Variants in LRRIQ1 observed in about 807,000 individuals in gnomAD.
The protein encoded by LRRIQ1 is leucine-rich repeat- and IQ domain-containing protein 1.
In LRRIQ1, 210 loss-of-function variants were observed where a neutral mutation model predicts 211.9. The observed-to-expected ratio is 0.99, with a 90% CI of 0.89 to 1.11. The LOEUF (loss-of-function observed/expected upper bound fraction) is 1.11, where lower values mean the gene tolerates loss of function less well. LRRIQ1 is among the 50% of genes most tolerant of loss of function. The pLI, the probability that LRRIQ1 is intolerant of heterozygous loss-of-function variation, is 0.00. For missense variants in LRRIQ1, 2,136 were observed against 1,939.5 expected (o/e 1.10, Z -1.90); for synonymous variants, 699 against 650.1 (o/e 1.08, Z -1.14).
At chr12:85,244,612 A>G (rs2137275075) in intron 26 of LRRIQ1, among the ~76,000 whole-genome samples, 177 bp from the exon 27 acceptor site, 1 of 151,892 alleles carries the variant, frequency 6.6e-6, no homozygotes, top group South Asian at 2.1e-4. Flanking sequence ...CTTATTTGCA[A>G]AAAATGCTTT....
At chr12:85,182,884 G>A (rs1224849528) in intron 24 of LRRIQ1, among the ~76,000 whole-genome samples, 2 of 152,134 alleles carry the variant, frequency 1.3e-5, no homozygotes, top group African/African-American at 2.4e-5. Flanking sequence ...AAAGGCCCGA[G>A]GCAGTGTTGA....
intron 8 of LRRIQ1, among the ~76,000 whole-genome samples, chr12:85,064,168 T>C (rs1204364314): frequency 6.6e-6 from 1 of 151,876 alleles, no homozygotes; most frequent in Non-Finnish European, 1.5e-5. Context: ...GGTTCCCTTT[T>C]CTCCACATCC....
At chr12:85,086,846 G>A (rs1302952796) in intron 11 of LRRIQ1, among the ~76,000 whole-genome samples, 1 of 151,730 alleles carries the variant, frequency 6.6e-6, no homozygotes. Flanking sequence ...TCCTCCTCCT[G>A]GCTTACAGGG....
At chr12:85,231,308 T>C (rs1217722554) in intron 25 of LRRIQ1, among the ~76,000 whole-genome samples, 1 of 152,146 alleles carries the variant, frequency 6.6e-6, no homozygotes, top group Non-Finnish European at 1.5e-5. Flanking sequence ...CATATGGAAA[T>C]GAAAATAAAA....
intron 16 of LRRIQ1, among the ~76,000 whole-genome samples, chr12:85,123,283 A>G (rs141699152): frequency 0.013 from 2,048 of 152,118 alleles, 41 homozygotes; most frequent in African/African-American, 0.045. Context: ...TTTTTTATAT[A>G]CTGTATTTTT....
chr12:85,078,952 G>C (rs1883974050), intron 11 of LRRIQ1, among the ~76,000 whole-genome samples: 1 of 152,152 alleles, frequency 6.6e-6, no homozygotes, highest in Admixed American at 6.6e-5. Flanking sequence ...ATACTGGGAA[G>C]AAGGGTGTTG....
intron 25 of LRRIQ1, among the ~76,000 whole-genome samples, chr12:85,230,552 C>T (rs1218100867): frequency 6.6e-6 from 1 of 152,102 alleles, no homozygotes; most frequent in African/African-American, 2.4e-5. Flanking sequence ...TTCTGAGGTA[C>T]TAGGGGTTAG....
intron 24 of LRRIQ1, among the ~76,000 whole-genome samples, chr12:85,173,410 G>GT (rs1470799912): frequency 6.6e-6 from 1 of 152,088 alleles, no homozygotes; most frequent in African/African-American, 2.4e-5. Context: ...AAATACCATA[G>GT]TCTGGGTGCC....
At chr12:85,122,837 C>A (rs992233714) in intron 16 of LRRIQ1, among the ~76,000 whole-genome samples, 6 of 151,962 alleles carry the variant, frequency 3.9e-5, no homozygotes, top group African/African-American at 1.2e-4. Flanking sequence ...ATAATATTTA[C>A]TTGTATATAT....
chr12:85,121,214 C>G (rs1012628749), intron 15 of LRRIQ1, among the ~76,000 whole-genome samples: 1 of 152,004 alleles, frequency 6.6e-6, no homozygotes, highest in Non-Finnish European at 1.5e-5. Flanking sequence ...TGTAGATGTT[C>G]CAGATCATGA....
intron 26 of LRRIQ1, among the ~76,000 whole-genome samples, chr12:85,234,491 A>T (rs993140047): frequency 2.6e-5 from 4 of 152,194 alleles, no homozygotes; most frequent in African/African-American, 7.2e-5. Context: ...AAATATCCAG[A>T]TGTCTCTTTT....
chr12:85,171,797 A>G (rs1426668380), intron 24 of LRRIQ1, among the ~76,000 whole-genome samples: 1 of 152,192 alleles, frequency 6.6e-6, no homozygotes, highest in Non-Finnish European at 1.5e-5. Context: ...ACATATGAAG[A>G]GAAGGTGGCC....
At chr12:85,070,877 T>C (rs1366900574) in intron 10 of LRRIQ1, among the ~76,000 whole-genome samples, 2 of 151,996 alleles carry the variant, frequency 1.3e-5, no homozygotes, top group African/African-American at 2.4e-5. Context: ...CTATTTATAA[T>C]ATAGCTTACT....
chr12:85,245,313 G>T (rs148594247), downstream of LRRIQ1, among the ~76,000 whole-genome samples: 4 of 151,132 alleles, frequency 2.6e-5, no homozygotes, highest in African/African-American at 9.7e-5. Context: ...AATTTCCAAA[G>T]ATAATTTTTT....
At chr12:85,170,372 A>G (rs1055800855) in intron 24 of LRRIQ1, among the ~76,000 whole-genome samples, 2 of 151,334 alleles carry the variant, frequency 1.3e-5, no homozygotes, top group African/African-American at 2.4e-5. Flanking sequence ...TTTTCTTAGT[A>G]CAAGCATATA....
intron 1 of LRRIQ1, among the ~76,000 whole-genome samples, chr12:85,260,915 T>C (rs1179995087): frequency 6.6e-6 from 1 of 152,198 alleles, no homozygotes; most frequent in East Asian, 1.9e-4. Flanking sequence ...AAGAAACTCT[T>C]GCTTCTATGC....
intron 6 of LRRIQ1, among the ~76,000 whole-genome samples, chr12:85,049,737 G>GT (rs1880073822): frequency 6.6e-6 from 1 of 152,032 alleles, no homozygotes; most frequent in African/African-American, 2.4e-5. Context: ...ATCCTGCTAG[G>GT]TTTTTTGCAG....
At chr12:85,235,375 A>T (rs1321677883) in intron 26 of LRRIQ1, among the ~76,000 whole-genome samples, 1 of 152,226 alleles carries the variant, frequency 6.6e-6, no homozygotes, top group Non-Finnish European at 1.5e-5. Flanking sequence ...GAGTTTATTC[A>T]GCAGAGCTTT....
intron 11 of LRRIQ1, among the ~76,000 whole-genome samples, chr12:85,074,546 GT>G (rs1179930945): frequency 2.6e-5 from 4 of 151,300 alleles, no homozygotes; most frequent in East Asian, 1.9e-4. Flanking sequence ...CATTCATTCT[GT>G]TTTTTTTATA....
Sources: gnomAD v4.1 joint callset for allele counts (sites outside exome capture counted in the v4.1 genomes callset) on GRCh38, gnomAD v4.1.1 for gene constraint, MANE v1.5 for transcripts, NCBI Gene and HGNC (gene_info 2026-07-23, HGNC 2026-07-21) for gene names.